FAM168A: variants seen among roughly 807,000 people sequenced by gnomAD.
FAM168A encodes the protein family with sequence similarity 168 member A, also known as protein FAM168A.
FAM168A carries 3 observed loss-of-function variants against 28.5 expected under a neutral mutation model. That is an observed-to-expected ratio of 0.11 (90% CI 0.05 to 0.27). FAM168A has a LOEUF of 0.27. FAM168A is among the 10% of genes least tolerant of loss of function. FAM168A has a pLI of 1.00. For synonymous variants in FAM168A, 122 were observed against 124.2 expected, an observed-to-expected ratio of 0.98 and a Z score of 0.12; for missense variants, 222 against 311.5, an observed-to-expected ratio of 0.71 and a Z score of 2.16.
chr11:73,581,183 T>C (rs111946157), intron 1 of FAM168A, among the ~76,000 whole-genome samples: 2 of 152,364 alleles, frequency 1.3e-5, no homozygotes, highest in African/African-American at 4.8e-5. Flanking sequence ...TTGGGTTTTA[T>C]AGTGGCTTTC....
At chr11:73,530,533 T>C (rs1450273229) in intron 1 of FAM168A, among the ~76,000 whole-genome samples, 1 of 152,154 alleles carries the variant, frequency 6.6e-6, no homozygotes, top group Non-Finnish European at 1.5e-5. Flanking sequence ...AGCAGCATAC[T>C]GCCACAGCAG....
chr11:73,438,998 T>C (rs1387986813), intron 2 of FAM168A, among the ~76,000 whole-genome samples: 1 of 141,274 alleles, frequency 7.1e-6, no homozygotes, highest in Non-Finnish European at 1.5e-5. Context: ...ATAAAATAAA[T>C]AGACCCTTGA....
chr11:73,562,462 G>A (rs779851811), intron 1 of FAM168A, among the ~76,000 whole-genome samples: 1 of 152,230 alleles, frequency 6.6e-6, no homozygotes, highest in Non-Finnish European at 1.5e-5. Context: ...AGAATGAAGC[G>A]TATAATGCTA....
At chr11:73,519,830 A>G (rs1943354056) in intron 1 of FAM168A, among the ~76,000 whole-genome samples, 1 of 151,006 alleles carries the variant, frequency 6.6e-6, no homozygotes, top group Non-Finnish European at 1.5e-5. Context: ...ATATATATGT[A>G]TATTTTTTTT....
chr11:73,438,181 G>C (rs1227418639), intron 2 of FAM168A, among the ~76,000 whole-genome samples: 2 of 152,080 alleles, frequency 1.3e-5, no homozygotes, highest in African/African-American at 2.4e-5. Flanking sequence ...GGCAAGCAGG[G>C]TGCTAGGTTC....
intron 1 of FAM168A, among the ~76,000 whole-genome samples, chr11:73,517,730 A>G (rs895831153): frequency 1.3e-5 from 2 of 152,196 alleles, no homozygotes; most frequent in African/African-American, 2.4e-5. Flanking sequence ...AGGAATACCA[A>G]TTACTTTTTG....
intron 1 of FAM168A, among the ~76,000 whole-genome samples, chr11:73,555,200 A>C (rs1179582570): frequency 6.6e-6 from 1 of 152,204 alleles, no homozygotes; most frequent in African/African-American, 2.4e-5. Context: ...TGAAAGATGT[A>C]GTTGCAAAAG....
In FAM168A at chr11:73,439,010, T is replaced by A. The variant is rs1867144981; in HGVS notation, c.71-8240A>T. 2.0e-5 allele frequency among the ~76,000 whole-genome samples: 3 copies of A among 148,920 alleles called. No homozygotes were observed. The South Asian group carries it at 6.5e-4, about 32-fold the overall frequency. On this transcript the variant is annotated intron_variant, in intron 2 of 7. Transcript: ENST00000356467. The stretch of plus-strand genomic sequence containing the variant: ...GAAATAAAATAAATAGACCCTTGAA[T>A]CTGTTAGCTCCAGAAAAATGCATGA...
At chr11:73,570,217 A>C (rs987346472) in intron 1 of FAM168A, among the ~76,000 whole-genome samples, 1 of 152,214 alleles carries the variant, frequency 6.6e-6, no homozygotes. Flanking sequence ...CTGTGAGACT[A>C]AGCAAGCTAC....
At chr11:73,514,826 C>T (rs1015368249) in intron 1 of FAM168A, among the ~76,000 whole-genome samples, 7 of 144,614 alleles carry the variant, frequency 4.8e-5, no homozygotes, top group Admixed American at 2.1e-4. Context: ...GAGTGAGACT[C>T]TGCCATCCAT....
intron 1 of FAM168A, among the ~76,000 whole-genome samples, chr11:73,504,530 TAAG>T (rs947178743): frequency 6.6e-6 from 1 of 152,074 alleles, no homozygotes; most frequent in African/African-American, 2.4e-5. Context: ...TGTGGAGAAA[TAAG>T]AACGCTTTTA....
At chr11:73,467,500 T>C (rs189064745) in intron 2 of FAM168A, among the ~76,000 whole-genome samples, 2 of 152,236 alleles carry the variant, frequency 1.3e-5, no homozygotes, top group Admixed American at 6.5e-5. Flanking sequence ...CTTTCCAATT[T>C]TGGAAATTTG....
At chr11:73,521,471 CAAAA>C (rs773882762) in intron 1 of FAM168A, among the ~76,000 whole-genome samples, 13 of 151,248 alleles carry the variant, frequency 8.6e-5, no homozygotes, top group Non-Finnish European at 1.6e-4. Context: ...AAAAAAAAAA[CAAAA>C]AAAGAAGAAG....
intron 1 of FAM168A, among the ~76,000 whole-genome samples, chr11:73,476,504 T>C (rs1867890993): frequency 6.6e-6 from 1 of 152,060 alleles, no homozygotes; most frequent in South Asian, 2.1e-4. Flanking sequence ...TGCTACAATA[T>C]ATTATCTAAA....
intron 1 of FAM168A, among the ~76,000 whole-genome samples, chr11:73,482,517 A>C (rs1431460367): frequency 6.6e-6 from 1 of 151,912 alleles, no homozygotes; most frequent in African/African-American, 2.4e-5. Flanking sequence ...ATACTGAGGG[A>C]ATGTGAAGAA....
intron 2 of FAM168A, among the ~76,000 whole-genome samples, chr11:73,431,862 T>G (rs1867000775): frequency 2.0e-5 from 3 of 152,344 alleles, no homozygotes; most frequent in African/African-American, 7.2e-5. Context: ...TATGCAACTA[T>G]CATCACTATT....
chr11:73,455,238 G>GGGTTGTGGCGAGCTGAGTTGT (rs1867508067), intron 2 of FAM168A, among the ~76,000 whole-genome samples: 1 of 152,210 alleles, frequency 6.6e-6, no homozygotes, highest in Non-Finnish European at 1.5e-5. Flanking sequence ...CTTCCACAAA[G>GGGTTGTGGCGAGCTGAGTTGT]GGTTGAGCAT....
At chr11:73,472,747 G>A (rs1314965741) in intron 1 of FAM168A, among the ~76,000 whole-genome samples, 2 of 152,142 alleles carry the variant, frequency 1.3e-5, no homozygotes, top group Non-Finnish European at 2.9e-5. Context: ...GATAGGAATT[G>A]CTAATGGATT....
intron 2 of FAM168A, among the ~76,000 whole-genome samples, chr11:73,445,554 C>A (rs1175840689): frequency 1.3e-5 from 2 of 148,914 alleles, no homozygotes; most frequent in East Asian, 4.1e-4. Context: ...GAATGAGCCT[C>A]AGGTCCAGCC....
Sources: allele counts gnomAD v4.1 joint callset (sites outside exome capture counted in the v4.1 genomes callset), GRCh38; gene constraint gnomAD v4.1.1; transcripts MANE v1.5; gene names NCBI Gene and HGNC (gene_info 2026-07-23, HGNC 2026-07-21).